The following ROBO2 variants were observed in gnomAD, a reference collection of about 807,000 sequenced individuals.
The protein encoded by ROBO2 is roundabout guidance receptor 2, also known as roundabout homolog 2.
ROBO2 carries 53 observed loss-of-function variants against 160.8 expected under a neutral mutation model. That is an observed-to-expected ratio of 0.33 (90% CI 0.26 to 0.41). The LOEUF (loss-of-function observed/expected upper bound fraction) is 0.41. ROBO2 is among the 10% of genes least tolerant of loss of function. The pLI is 1.00. For missense variants in ROBO2, 1,577 were observed against 1,722.4 expected (o/e 0.92, Z 1.49); for synonymous variants, 664 against 611.7 (o/e 1.09, Z -1.26).
At chr3:76,074,273 A>G (rs2068571312) in intron 2 of ROBO2, among the ~76,000 whole-genome samples, 1 of 152,224 alleles carries the variant, frequency 6.6e-6, no homozygotes, top group Non-Finnish European at 1.5e-5. Flanking sequence ...AGCAGATAAT[A>G]TGGCAGGGGT....
chr3:76,942,365 C>T lies in ROBO2; in HGVS notation c.110-155649C>T, dbSNP rs2078244743. 2.0e-5 allele frequency among the ~76,000 whole-genome samples: 3 copies of T among 152,320 alleles called. No individual in the cohort carries two copies. In the South Asian group the frequency reaches 6.2e-4, roughly 32 times the overall value. ...TAAGTAGAACATGCGAATCTAACAA[C>T]CAGCCTCCTTTATTGTTTTGACTCC... On this transcript the variant is annotated intron_variant, in intron 2 of 26. Coordinates refer to the ROBO2 transcript ENST00000487694.
At chr3:76,609,693 A>G (rs923244230) in intron 2 of ROBO2, among the ~76,000 whole-genome samples, 1 of 152,178 alleles carries the variant, frequency 6.6e-6, no homozygotes, top group African/African-American at 2.4e-5. Context: ...TGCCTTTACA[A>G]TGTGGATGCC....
At chr3:76,573,946 A>T (rs2085120777) in intron 2 of ROBO2, among the ~76,000 whole-genome samples, 1 of 152,114 alleles carries the variant, frequency 6.6e-6, no homozygotes, top group African/African-American at 2.4e-5. Flanking sequence ...AATTCTGCAA[A>T]TCAGAAGTGA....
intron 2 of ROBO2, among the ~76,000 whole-genome samples, chr3:76,510,857 T>TA (rs2081051129): frequency 1.3e-5 from 2 of 152,164 alleles, no homozygotes; most frequent in African/African-American, 4.8e-5. Flanking sequence ...AATGAACACA[T>TA]GCCACCTAAT....
chr3:76,680,214 C>T (rs1227110853), intron 2 of ROBO2, among the ~76,000 whole-genome samples: 2 of 151,860 alleles, frequency 1.3e-5, no homozygotes, highest in Admixed American at 6.6e-5. Flanking sequence ...ACCAAAATGC[C>T]GACGCTTACT....
intron 2 of ROBO2, among the ~76,000 whole-genome samples, chr3:76,800,943 G>T (rs1034743548): frequency 2.0e-5 from 3 of 152,170 alleles, no homozygotes; most frequent in Non-Finnish European, 4.4e-5. Flanking sequence ...AGAGATATCT[G>T]AACTCCCATA....
At chr3:77,528,069 G>A (rs754731195) in intron 6 of ROBO2, among the ~76,000 whole-genome samples, 2 of 151,468 alleles carry the variant, frequency 1.3e-5, no homozygotes, top group Non-Finnish European at 3.0e-5. Context: ...GCTTGCTTTT[G>A]CAGATATTTA....
intron 2 of ROBO2, among the ~76,000 whole-genome samples, chr3:76,718,422 TTC>T (rs2093415623): frequency 6.6e-6 from 1 of 152,224 alleles, no homozygotes; most frequent in South Asian, 2.1e-4. Context: ...TTTCATCAAA[TTC>T]TGTTTCCATT....
At chr3:76,628,414 G>A (rs1025547404) in intron 2 of ROBO2, among the ~76,000 whole-genome samples, 19 of 146,468 alleles carry the variant, frequency 1.3e-4, no homozygotes, top group African/African-American at 4.3e-4. Context: ...ACAGTCACTC[G>A]CTATCCACTA....
At chr3:77,480,106 G>A (rs558311974) in intron 3 of ROBO2, among the ~76,000 whole-genome samples, 4 of 151,954 alleles carry the variant, frequency 2.6e-5, no homozygotes, top group Non-Finnish European at 4.4e-5. Flanking sequence ...TTTCACCTAT[G>A]TAAAAAAAAG....
chr3:76,555,242 A>G (rs1434697090), intron 2 of ROBO2, among the ~76,000 whole-genome samples: 2 of 151,900 alleles, frequency 1.3e-5, no homozygotes, highest in Non-Finnish European at 2.9e-5. Context: ...TTTTTTAATA[A>G]TAACATGTGC....
At chr3:76,913,939 A>G (rs2076152868) in intron 2 of ROBO2, among the ~76,000 whole-genome samples, 1 of 138,512 alleles carries the variant, frequency 7.2e-6, no homozygotes, top group African/African-American at 2.9e-5. Flanking sequence ...ACTGTGAATA[A>G]TACTCCATTA....
intron 2 of ROBO2, among the ~76,000 whole-genome samples, chr3:76,671,199 A>C (rs953883009): frequency 2.0e-5 from 3 of 151,890 alleles, no homozygotes; most frequent in African/African-American, 4.9e-5. Context: ...ATATTACTCT[A>C]TTACAAAGGT....
intron 2 of ROBO2, among the ~76,000 whole-genome samples, chr3:76,472,074 T>G (rs1042284177): frequency 6.1e-4 from 73 of 119,702 alleles, no homozygotes; most frequent in Non-Finnish European, 7.4e-4. Context: ...TGTGTGTGTG[T>G]GTGTGTGTGT....
At chr3:76,026,018 A>G (rs796291664) in intron 2 of ROBO2, among the ~76,000 whole-genome samples, 10 of 151,958 alleles carry the variant, frequency 6.6e-5, no homozygotes, top group African/African-American at 2.4e-4. Context: ...ATTCTGCAAA[A>G]CTGTTGCATA....
intron 2 of ROBO2, among the ~76,000 whole-genome samples, chr3:76,113,017 A>T (rs1483039007): frequency 6.6e-6 from 1 of 152,116 alleles, no homozygotes; most frequent in Non-Finnish European, 1.5e-5. Context: ...GGTTGACACA[A>T]TTAGCTTTTA....
At chr3:76,255,598 A>C (rs575919452) in intron 2 of ROBO2, among the ~76,000 whole-genome samples, 1 of 141,098 alleles carries the variant, frequency 7.1e-6, no homozygotes, top group African/African-American at 2.7e-5. Flanking sequence ...TTACTATGCA[A>C]AAAAAAAATT....
At chr3:76,557,082 A>T (rs1255310254) in intron 2 of ROBO2, among the ~76,000 whole-genome samples, 2 of 152,022 alleles carry the variant, frequency 1.3e-5, no homozygotes, top group African/African-American at 4.8e-5. Flanking sequence ...TTTTTCACTG[A>T]TTATTTTATA....
intron 2 of ROBO2, among the ~76,000 whole-genome samples, chr3:77,429,535 G>A (rs62249807): frequency 0.079 from 11,961 of 151,720 alleles, 560 homozygotes; most frequent in African/African-American, 0.11. Context: ...AAAGGACTTT[G>A]CAGTTTTGTT....
Sources: allele counts gnomAD v4.1 joint callset (sites outside exome capture counted in the v4.1 genomes callset), GRCh38; gene constraint gnomAD v4.1.1; transcripts MANE v1.5; gene names NCBI Gene and HGNC (gene_info 2026-07-23, HGNC 2026-07-21).